The following RAB27B variants were observed in gnomAD, a reference collection of about 807,000 sequenced individuals.
The protein encoded by RAB27B is ras-related protein Rab-27B.
In RAB27B, 15 loss-of-function variants were observed where a neutral mutation model predicts 24.6. The observed-to-expected ratio is 0.61, with a 90% CI of 0.41 to 0.94. RAB27B has a LOEUF of 0.94. RAB27B is among the 40% of genes least tolerant of loss of function. The pLI, the probability that RAB27B is intolerant of heterozygous loss-of-function variation, is 0.00. For synonymous variants in RAB27B, 105 were observed against 92.5 expected (o/e 1.14, Z -0.78); for missense variants, 261 against 266.8 (o/e 0.98, Z 0.15).
chr18:54,888,459 A>G (rs1913235749), intron 5 of RAB27B, among the ~76,000 whole-genome samples: 1 of 152,130 alleles, frequency 6.6e-6, no homozygotes, highest in Admixed American at 6.6e-5. Flanking sequence ...TGACAGGCAG[A>G]GCTTAAACTC....
In RAB27B at chr18:54,853,272, T is replaced by C. The variant is rs114847564; in HGVS notation, c.-19-24295T>C. Among the ~76,000 whole-genome samples, 518 of 152,294 alleles carry C rather than the reference T, an allele frequency of 3.4e-3. 1 individual carries two copies. The highest frequency in any genetic ancestry group is 0.012 in the African/African-American group (493 of 41,570). On this transcript the variant is annotated intron_variant, in intron 1 of 5. Coordinates refer to ENST00000262094, the MANE Select transcript of RAB27B (RefSeq NM_004163.4). The stretch of plus-strand genomic sequence containing the variant: ...GCAATGGGATCTTAAATTCTTTTAA[T>C]TTTGGCAATCTCAATTCATCTAGAA...
intron 2 of RAB27B, among the ~76,000 whole-genome samples, chr18:54,736,598 C>T (rs28587652): frequency 0.064 from 9,727 of 152,116 alleles, 399 homozygotes; most frequent in African/African-American, 0.092. Context: ...TAATAAATTG[C>T]ATGAAGAAGT....
chr18:54,845,453 C>G (rs1018024370), intron 1 of RAB27B, among the ~76,000 whole-genome samples: 4 of 150,692 alleles, frequency 2.7e-5, no homozygotes, highest in Non-Finnish European at 5.9e-5. Context: ...AAAATACGTC[C>G]CTTCGGATAC....
chr18:54,867,932 C>T (rs1397216285), intron 1 of RAB27B, among the ~76,000 whole-genome samples: 2 of 152,088 alleles, frequency 1.3e-5, no homozygotes, highest in Non-Finnish European at 2.9e-5. Flanking sequence ...GGTGGCTTCC[C>T]GTGGAACTGC....
intron 2 of RAB27B, among the ~76,000 whole-genome samples, chr18:54,731,509 T>C (rs768403424): frequency 1.3e-5 from 2 of 151,740 alleles, no homozygotes; most frequent in Admixed American, 6.6e-5. Flanking sequence ...TCACCTGAGG[T>C]TGGGAGTTGG....
chr18:54,826,147 T>C (rs1045578903), upstream of RAB27B, among the ~76,000 whole-genome samples: 10 of 152,262 alleles, frequency 6.6e-5, no homozygotes, highest in African/African-American at 2.4e-4. Context: ...GAAATACATG[T>C]GATAATCTTG....
chr18:54,809,141 G>C (rs1909885355), intron 2 of RAB27B, among the ~76,000 whole-genome samples: 1 of 152,160 alleles, frequency 6.6e-6, no homozygotes, highest in Admixed American at 6.5e-5. Flanking sequence ...TGATTATCTA[G>C]GAAACATTGA....
chr18:54,817,182 A>G (rs375693712), intron 2 of RAB27B, among the ~76,000 whole-genome samples: 86 of 152,334 alleles, frequency 5.6e-4, no homozygotes, highest in African/African-American at 1.9e-3. Flanking sequence ...TATTTACTCA[A>G]CAAACATTCA....
rs141964501 is a variant in RAB27B at position 54,872,114 on chromosome 18, A to G, written c.-19-5453A>G. Among the ~76,000 whole-genome samples, 377 of 152,206 alleles carry G rather than the reference A, an allele frequency of 2.5e-3. 4 individuals carry two copies. Among genetic ancestry groups the G allele is most frequent in the African/African-American group, 8.3e-3 (346 of 41,554 alleles). Reference sequence around the variant, plus strand: ...GCAAGTGAGAGGTGGTGATGAGAGTATGTTAGATGGCAAATGGATGCTTAT... The same window carrying G: ...GCAAGTGAGAGGTGGTGATGAGAGTGTGTTAGATGGCAAATGGATGCTTAT... On this transcript the variant is annotated intron_variant, in intron 1 of 5. Coordinates refer to ENST00000262094, the MANE Select transcript of RAB27B (RefSeq NM_004163.4).
intron 2 of RAB27B, among the ~76,000 whole-genome samples, chr18:54,756,658 C>A (rs1222355107): frequency 1.3e-5 from 2 of 152,128 alleles, no homozygotes; most frequent in Non-Finnish European, 2.9e-5. Flanking sequence ...GGGCTAGCAA[C>A]AAGCCAGACT....
At chr18:54,840,092 TC>T (rs1911049255) in intron 1 of RAB27B, among the ~76,000 whole-genome samples, 1 of 152,238 alleles carries the variant, frequency 6.6e-6, no homozygotes, top group Non-Finnish European at 1.5e-5. Flanking sequence ...TAAAATTCTG[TC>T]TGGGCAAATA....
chr18:54,772,712 C>G (rs554311510), intron 2 of RAB27B, among the ~76,000 whole-genome samples: 1 of 152,258 alleles, frequency 6.6e-6, no homozygotes, highest in East Asian at 1.9e-4. Context: ...TATTGAATCT[C>G]TTGCATAATC....
At chr18:54,769,336 T>C (rs1908467216) in intron 2 of RAB27B, among the ~76,000 whole-genome samples, 1 of 152,204 alleles carries the variant, frequency 6.6e-6, no homozygotes, top group Non-Finnish European at 1.5e-5. Flanking sequence ...GGCAGTCCAC[T>C]GTGTGTAAAA....
At chr18:54,838,235 T>C (rs1400658142) in intron 1 of RAB27B, among the ~76,000 whole-genome samples, 1 of 152,182 alleles carries the variant, frequency 6.6e-6, no homozygotes, top group Non-Finnish European at 1.5e-5. Context: ...AATTGTCTAG[T>C]AATGAGTATT....
At position 54,893,974 on chromosome 18, in the gene RAB27B, T is replaced by C. The variant is rs1913471834; in HGVS notation, c.*4561T>C. On this transcript the variant is annotated 3_prime_UTR_variant, in exon 6 of 6. Transcript: ENST00000262094. ...CCTCAGAACTAAACTAGTAAAAATA[T>C]CTGAACAAAAAACCTTTCGTTGTTG... 6.6e-6 allele frequency: 1 copy of C among 151,946 alleles called. No individual in the cohort carries two copies. Among genetic ancestry groups the C allele is most frequent in the South Asian group, 2.1e-4 (1 of 4,828 alleles). 9.4% of individuals were successfully genotyped at this position (151,946 alleles called of 1,614,324 possible).
chr18:54,779,660 A>T (rs535191036), intron 2 of RAB27B, among the ~76,000 whole-genome samples: 1 of 152,292 alleles, frequency 6.6e-6, no homozygotes, highest in African/African-American at 2.4e-5. Flanking sequence ...AATTCTTCAG[A>T]CCAGTGATAT....
chr18:54,857,284 T>G (rs1195315528), intron 1 of RAB27B, among the ~76,000 whole-genome samples: 1 of 152,180 alleles, frequency 6.6e-6, no homozygotes, highest in Non-Finnish European at 1.5e-5. Flanking sequence ...CAAAAAACTC[T>G]CTCCTCTGTT....
At chr18:54,724,049 A>G (rs1909449769) in intron 2 of RAB27B, among the ~76,000 whole-genome samples, 1 of 143,878 alleles carries the variant, frequency 7.0e-6, no homozygotes, top group Admixed American at 6.9e-5. Flanking sequence ...ATAAATTCAT[A>G]TTTGGTTTTT....
intron 2 of RAB27B, among the ~76,000 whole-genome samples, chr18:54,822,645 G>C (rs879133831): frequency 2.0e-5 from 3 of 152,122 alleles, no homozygotes; most frequent in Admixed American, 1.3e-4. Flanking sequence ...ATGACTTGTA[G>C]AAAATGAATT....
Sources: allele counts gnomAD v4.1 joint callset (sites outside exome capture counted in the v4.1 genomes callset), GRCh38; gene constraint gnomAD v4.1.1; transcripts MANE v1.5; gene names NCBI Gene and HGNC (gene_info 2026-07-23, HGNC 2026-07-21).